Variants in DNAJC21 observed in about 807,000 individuals in gnomAD.
DNAJC21 encodes the protein DnaJ heat shock protein family (Hsp40) member C21.
A neutral mutation model predicts 72.4 loss-of-function variants in DNAJC21; 63 were observed. The ratio of observed to expected loss-of-function variants is 0.87; its 90% CI spans 0.71 to 1.07. The LOEUF (loss-of-function observed/expected upper bound fraction) is 1.07. DNAJC21 is among the 50% of genes least tolerant of loss of function. DNAJC21 has a pLI of 0.00. For synonymous variants in DNAJC21, 203 were observed against 216.7 expected, an observed-to-expected ratio of 0.94 and a Z score of 0.56; for missense variants, 634 against 644.8, an observed-to-expected ratio of 0.98 and a Z score of 0.18.
chr5:34,935,624 CAAT>C, intron 2 of DNAJC21, 83 bp from the exon 3 acceptor site: 1 of 1,562,560 alleles, frequency 6.4e-7, no homozygotes, highest in Non-Finnish European at 8.7e-7. Context: ...CAAAAATGTA[CAAT>C]AATAATATTC....
In DNAJC21 at chr5:34,958,689, A is replaced by G. The variant is rs1430820607; in HGVS notation, c.*3975A>G. 3 of 152,216 alleles carry G rather than the reference A, an allele frequency of 2.0e-5. No homozygotes were observed. The highest frequency in any genetic ancestry group is 4.4e-5 in the Non-Finnish European group (3 of 68,028). The allele number at this position is 152,216 out of a possible 1,614,324, so 9.4% of individuals were successfully genotyped here. A position where few individuals can be genotyped will look rare whatever the true frequency, so the allele number is the denominator to read the frequency against. On this transcript the variant is annotated 3_prime_UTR_variant, in exon 12 of 12. Coordinates refer to ENST00000648817, the MANE Select transcript of DNAJC21 (RefSeq NM_001012339.3). ...TAAAGAAGCAAAAGAACCTCATACA[A>G]AAGTCATTGAGTAAATGACAGCCAT...
intron 1 of DNAJC21, among the ~76,000 whole-genome samples, chr5:34,933,415 G>C (rs1190305617): frequency 2.0e-5 from 3 of 152,168 alleles, no homozygotes; most frequent in African/African-American, 7.2e-5. Context: ...GGGACTACAG[G>C]CATGCGCCAC....
chr5:34,950,325 A>G lies in DNAJC21; in HGVS notation c.1341A>G (p.Pro447=). 6.2e-7 allele frequency: 1 copy of G among 1,610,164 alleles called. No homozygotes were observed. The highest frequency in any genetic ancestry group is 8.5e-7 in the Non-Finnish European group (1 of 1,178,828). The part of the protein sequence containing the change: ...VTEIIKPCDD[P]KSEAKSVPKP... ...AGATCATTAAACCATGTGATGATCCAAAAAGTGAAGCTAAAAGGTAAGTCA... is the reference window on the plus strand; with the variant it reads ...AGATCATTAAACCATGTGATGATCCGAAAAGTGAAGCTAAAAGGTAAGTCA... Residue 447 remains proline, a synonymous_variant, in exon 10 of 12, where the codon CCA becomes CCG. Coordinates refer to ENST00000648817, the MANE Select transcript of DNAJC21 (RefSeq NM_001012339.3).
In DNAJC21 at chr5:34,951,439, G is replaced by A. The variant is rs1765360571; in HGVS notation, c.1358+1097G>A. On this transcript the variant is annotated intron_variant, in intron 10 of 11. Coordinates refer to ENST00000648817, the MANE Select transcript of DNAJC21 (RefSeq NM_001012339.3). ...CTCCATGGAGCCTGTGTGTCCTGTGGGATGGGCACAAAGAGTGGGCCAGGA... is the reference window on the plus strand; with the variant it reads ...CTCCATGGAGCCTGTGTGTCCTGTGAGATGGGCACAAAGAGTGGGCCAGGA... 3 of 985,376 alleles carry A rather than the reference G, an allele frequency of 3.0e-6. No individual in the cohort carries two copies. In the South Asian group the frequency reaches 1.4e-4, roughly 46 times the overall value. The allele number at this position is 985,376 out of a possible 1,614,324, so 61.0% of individuals were successfully genotyped here. A position where few individuals can be genotyped will look rare whatever the true frequency, so the allele number is the denominator to read the frequency against.
intron 1 of DNAJC21, among the ~76,000 whole-genome samples, chr5:34,932,547 C>A (rs567223607): frequency 6.6e-6 from 1 of 152,132 alleles, no homozygotes; most frequent in Non-Finnish European, 1.5e-5. Context: ...AGACAACAAA[C>A]AACAAAAACA....
At position 34,954,712 on chromosome 5, in the gene DNAJC21, TAGAG is replaced by T. The variant is rs1561194523; in HGVS notation, c.1596_*3del. The stretch of plus-strand genomic sequence containing the variant: ...CAAGAAAGAGAAACGTAAAAACAGA[TAGAG>T]ATTCTGCCTGTGCTTTTGTTTGACT... On this transcript the variant is annotated stop_lost and 3_prime_UTR_variant, in exon 12 of 12. Coordinates refer to ENST00000648817, the MANE Select transcript of DNAJC21 (RefSeq NM_001012339.3). 1.3e-6 allele frequency: 2 copies of T among 1,594,800 alleles called. No individual in the cohort carries two copies. The highest frequency in any genetic ancestry group is 1.3e-5 in the African/African-American group (1 of 74,118).
At chr5:34,941,226 C>G in intron 7 of DNAJC21, 43 bp downstream of exon 7, 2 of 1,551,090 alleles carry the variant, frequency 1.3e-6, no homozygotes, top group Non-Finnish European at 1.8e-6. Context: ...GAGACAGGGT[C>G]TCACTCTGTC....
At chr5:34,954,323 A>G (rs1244234216) in intron 11 of DNAJC21, 6 of 510,054 alleles carry the variant, frequency 1.2e-5, no homozygotes, top group African/African-American at 9.9e-5. Context: ...TTTTTAGTCC[A>G]TGAGGTACAT....
rs370619773 is a variant in DNAJC21, at chr5:34,943,645, C to T, written c.984-1222C>T. Among the ~76,000 whole-genome samples, 3 of 152,156 alleles carry T rather than the reference C, an allele frequency of 2.0e-5. No homozygotes were observed. The East Asian group carries it at 5.8e-4, about 29-fold the overall frequency. On this transcript the variant is annotated intron_variant, in intron 7 of 11. Coordinates refer to ENST00000648817, the MANE Select transcript of DNAJC21 (RefSeq NM_001012339.3). The stretch of plus-strand genomic sequence containing the variant: ...CTTCTCATAAAAGTTTTCCTCATAG[C>T]TTTAGCATCTGTTGATGGTTTTAGC...
chr5:34,932,691 A>C (rs1208105060), intron 1 of DNAJC21, among the ~76,000 whole-genome samples: 2 of 152,150 alleles, frequency 1.3e-5, no homozygotes, highest in African/African-American at 2.4e-5. Context: ...CCAGCTCACC[A>C]ACCACCAACT....
Position 34,954,861 on chromosome 5 carries a change from G to T in DNAJC21, c.*147G>T. 4.2e-6 allele frequency: 4 copies of T among 948,960 alleles called. No homozygotes were observed. The highest frequency in any genetic ancestry group is 2.6e-5 in the South Asian group (1 of 38,492). The allele number at this position is 948,960 out of a possible 1,614,324, so 58.8% of individuals were successfully genotyped here. Reference sequence around the variant, plus strand: ...TTTTATCTTGTAAAAACACTTTTTTGGTTTAATATATATTTTTAAAACATT... The same window carrying T: ...TTTTATCTTGTAAAAACACTTTTTTTGTTTAATATATATTTTTAAAACATT... On this transcript the variant is annotated 3_prime_UTR_variant, in exon 12 of 12. Transcript: ENST00000648817.
At chr5:34,934,776 G>A (rs1301890928) in intron 2 of DNAJC21, among the ~76,000 whole-genome samples, 3 of 152,172 alleles carry the variant, frequency 2.0e-5, no homozygotes, top group African/African-American at 7.2e-5. Flanking sequence ...AAGAGCTACT[G>A]TGCAAGTCAT....
At chr5:34,930,554 T>C (rs375322862) in intron 1 of DNAJC21, among the ~76,000 whole-genome samples, 2 of 152,184 alleles carry the variant, frequency 1.3e-5, no homozygotes, top group African/African-American at 4.8e-5. Flanking sequence ...GTAAAGTTTG[T>C]ATGTTTACTT....
intron 11 of DNAJC21, 198 bp downstream of exon 11, chr5:34,954,199 C>G (rs1441791637): frequency 1.9e-6 from 1 of 522,750 alleles, no homozygotes. Context: ...AAATGCTAGA[C>G]TGTACCAGAA....
chr5:34,929,981 T>C, intron 1 of DNAJC21, 65 bp downstream of exon 1: 1 of 1,297,328 alleles, frequency 7.7e-7, no homozygotes, highest in Non-Finnish European at 1.0e-6. Flanking sequence ...GACCTTCCCT[T>C]CCCCCGGGCG....
intron 1 of DNAJC21, among the ~76,000 whole-genome samples, chr5:34,931,491 T>C (rs1764591862): frequency 6.6e-6 from 1 of 152,168 alleles, no homozygotes. Context: ...GTAAATGAAG[T>C]AGCGAATGCT....
rs1273703134 is a variant in DNAJC21, at chr5:34,952,987, A to G, written c.1359-939A>G. Among the ~76,000 whole-genome samples, 4 of 152,044 alleles carry G rather than the reference A, an allele frequency of 2.6e-5. No individual in the cohort carries two copies. The East Asian group carries it at 7.9e-4, about 30-fold the overall frequency. Reference sequence around the variant, plus strand: ...AATATGGTAAAACCCTGTCTCTACTAAAAAATACAAAAATTAGCTGAGTAT... The same window carrying G: ...AATATGGTAAAACCCTGTCTCTACTGAAAAATACAAAAATTAGCTGAGTAT... On this transcript the variant is annotated intron_variant, in intron 10 of 11. Transcript: ENST00000648817.
At chr5:34,933,136 AAAC>A (rs1457573511) in intron 1 of DNAJC21, among the ~76,000 whole-genome samples, 2 of 152,380 alleles carry the variant, frequency 1.3e-5, no homozygotes, top group East Asian at 1.9e-4. Context: ...AGAAAGAAAA[AAAC>A]AATGTCAGCA....
rs139186858 is a variant in DNAJC21, at chr5:34,933,447, A to G, written c.98-368A>G. 2.2e-3 allele frequency among the ~76,000 whole-genome samples: 331 copies of G among 152,110 alleles called. 12 individuals are homozygous for G. In the East Asian group the frequency reaches 0.055, roughly 25 times the overall value. The stretch of plus-strand genomic sequence containing the variant: ...CCACCACACTGGGCTAATCTTTTGT[A>G]TTTTTAGCAGAAACGGGGTTTCACC... On this transcript the variant is annotated intron_variant, in intron 1 of 11. Transcript: ENST00000648817.
Sources: allele counts gnomAD v4.1 joint callset (sites outside exome capture counted in the v4.1 genomes callset), GRCh38; gene constraint gnomAD v4.1.1; transcripts MANE v1.5; gene names NCBI Gene and HGNC (gene_info 2026-07-23, HGNC 2026-07-21).